Variants in ZNF385B observed in about 807,000 individuals in gnomAD.
The protein encoded by ZNF385B is zinc finger protein 385B, also known as zinc finger protein 533.
ZNF385B carries 23 observed loss-of-function variants against 39.2 expected under a neutral mutation model. The observed-to-expected ratio is 0.59, with a 90% CI of 0.42 to 0.83. The LOEUF is 0.83. Among genes scored for constraint, ZNF385B ranks in the 40% least tolerant of loss-of-function variants. ZNF385B has a pLI of 0.00. For missense variants in ZNF385B, 552 were observed against 598.9 expected (o/e 0.92, Z 0.82); for synonymous variants, 205 against 222.6 (o/e 0.92, Z 0.70).
intron 5 of ZNF385B, among the ~76,000 whole-genome samples, chr2:179,493,762 T>C (rs566797031): frequency 1.1e-5 from 1 of 89,622 alleles, no homozygotes; most frequent in African/African-American, 3.9e-5. Context: ...TATACATATA[T>C]GTATACATAT....
At chr2:179,670,185 GGGAGGCTGAGGCA>G (rs1236953793) in intron 3 of ZNF385B, among the ~76,000 whole-genome samples, 16 of 151,442 alleles carry the variant, frequency 1.1e-4, no homozygotes, top group Non-Finnish European at 2.4e-4. Context: ...CCAGCTACTC[GGGAGGCTGAGGCA>G]GGAGAATGGC....
At chr2:179,807,621 T>G (rs1043028882) in intron 1 of ZNF385B, among the ~76,000 whole-genome samples, 1 of 144,832 alleles carries the variant, frequency 6.9e-6, no homozygotes, top group African/African-American at 2.6e-5. Flanking sequence ...AAAGGCCAGG[T>G]GCGGTGGCTC....
At chr2:179,818,116 A>G (rs1357537867) in intron 1 of ZNF385B, among the ~76,000 whole-genome samples, 1 of 152,022 alleles carries the variant, frequency 6.6e-6, no homozygotes, top group Non-Finnish European at 1.5e-5. Context: ...GAGTGTGTGC[A>G]TGTGTGGGTG....
At chr2:179,847,896 T>C (rs919065718) in intron 1 of ZNF385B, among the ~76,000 whole-genome samples, 1 of 152,174 alleles carries the variant, frequency 6.6e-6, no homozygotes, top group Admixed American at 6.5e-5. Context: ...AGAGTATCTT[T>C]TTAAGAGTCT....
At chr2:179,860,403 C>T (rs78555492) in intron 1 of ZNF385B, among the ~76,000 whole-genome samples, 7,867 of 152,196 alleles carry the variant, frequency 0.052, 286 homozygotes, top group Middle Eastern at 0.078. Flanking sequence ...CCCTTCTCCC[C>T]ACAGGCCCCC....
chr2:179,792,526 A>G (rs1705404157), intron 1 of ZNF385B, among the ~76,000 whole-genome samples: 1 of 151,662 alleles, frequency 6.6e-6, no homozygotes, highest in African/African-American at 2.4e-5. Context: ...AGGTGTACCC[A>G]CCATGCCTGG....
intron 3 of ZNF385B, among the ~76,000 whole-genome samples, chr2:179,655,755 C>G (rs889197516): frequency 4.6e-5 from 7 of 152,092 alleles, no homozygotes; most frequent in African/African-American, 1.7e-4. Context: ...CCTACAATTA[C>G]ATGTCATGAA....
chr2:179,841,575 T>C (rs1003459466), intron 1 of ZNF385B, among the ~76,000 whole-genome samples: 2 of 152,220 alleles, frequency 1.3e-5, no homozygotes, highest in African/African-American at 4.8e-5. Flanking sequence ...TTTTTTGCTG[T>C]GGGATCCTCA....
At chr2:179,742,858 G>GA (rs1221470010) in intron 3 of ZNF385B, among the ~76,000 whole-genome samples, 1 of 152,000 alleles carries the variant, frequency 6.6e-6, no homozygotes, top group Non-Finnish European at 1.5e-5. Context: ...AAGAACTGCT[G>GA]AAGAATAATT....
intron 5 of ZNF385B, among the ~76,000 whole-genome samples, chr2:179,492,417 T>C (rs2055338037): frequency 6.6e-6 from 1 of 152,198 alleles, no homozygotes; most frequent in Non-Finnish European, 1.5e-5. Context: ...GCTCCCAGGC[T>C]TCCACACATT....
intron 3 of ZNF385B, among the ~76,000 whole-genome samples, chr2:179,724,281 C>T (rs1156487849): frequency 1.3e-5 from 2 of 152,044 alleles, no homozygotes; most frequent in African/African-American, 2.4e-5. Context: ...TGCACTCCAG[C>T]CTGGGTGACA....
intron 3 of ZNF385B, among the ~76,000 whole-genome samples, chr2:179,561,926 G>A (rs1252175111): frequency 5.9e-5 from 9 of 152,128 alleles, no homozygotes; most frequent in South Asian, 4.1e-4. Flanking sequence ...AATCTCCCAC[G>A]TCACTCAATT....
At position 179,753,292 on chromosome 2, in the gene ZNF385B, T is replaced by C. The variant is rs187336971; in HGVS notation, c.298+16211A>G. On this transcript the variant is annotated intron_variant, in intron 3 of 9. Coordinates refer to ENST00000410066, the MANE Select transcript of ZNF385B (RefSeq NM_152520.6). ...GGCTCTGTTCTGTTCCATTGGTCTATATATATCTCTGTTTTGGTACCAGTA... is the reference window on the plus strand; with the variant it reads ...GGCTCTGTTCTGTTCCATTGGTCTACATATATCTCTGTTTTGGTACCAGTA... 2.1e-3 allele frequency among the ~76,000 whole-genome samples: 327 copies of C among 152,256 alleles called. 3 individuals are homozygous for C. Among genetic ancestry groups the C allele is most frequent in the African/African-American group, 7.5e-3 (311 of 41,552 alleles).
intron 3 of ZNF385B, among the ~76,000 whole-genome samples, chr2:179,732,067 C>A (rs1701428669): frequency 1.3e-5 from 2 of 152,162 alleles, no homozygotes; most frequent in African/African-American, 4.8e-5. Context: ...AATGCTCAGC[C>A]TTTATAGTTT....
chr2:179,474,394 C>T (rs1227094865), intron 6 of ZNF385B, among the ~76,000 whole-genome samples: 1 of 152,044 alleles, frequency 6.6e-6, no homozygotes, highest in Admixed American at 6.6e-5. Flanking sequence ...ACTATCTTTA[C>T]ATAGTAGTAA....
intron 1 of ZNF385B, among the ~76,000 whole-genome samples, chr2:179,830,003 T>TA (rs1322291454): frequency 6.6e-6 from 1 of 152,116 alleles, no homozygotes; most frequent in Non-Finnish European, 1.5e-5. Context: ...ATCCAAAATA[T>TA]AAAAAACTCT....
At chr2:179,705,497 C>G (rs540312600) in intron 3 of ZNF385B, among the ~76,000 whole-genome samples, 1 of 152,240 alleles carries the variant, frequency 6.6e-6, no homozygotes, top group East Asian at 1.9e-4. Flanking sequence ...CTCTCAGGTC[C>G]TTTATTGAAG....
At chr2:179,611,879 T>A (rs1396094112) in intron 3 of ZNF385B, among the ~76,000 whole-genome samples, 1 of 152,104 alleles carries the variant, frequency 6.6e-6, no homozygotes, top group Admixed American at 6.6e-5. Flanking sequence ...AATGTCTCCT[T>A]TTCCACCTCT....
chr2:179,672,973 G>A (rs550955367), intron 3 of ZNF385B, among the ~76,000 whole-genome samples: 10 of 152,250 alleles, frequency 6.6e-5, no homozygotes, highest in African/African-American at 2.2e-4. Context: ...AAGGTGGGGA[G>A]TTAAAAAATG....
Sources: allele counts gnomAD v4.1 joint callset (sites outside exome capture counted in the v4.1 genomes callset), GRCh38; gene constraint gnomAD v4.1.1; transcripts MANE v1.5; gene names NCBI Gene and HGNC (gene_info 2026-07-23, HGNC 2026-07-21).